Variants in SEMA3A observed in about 807,000 individuals in gnomAD.
SEMA3A encodes the protein semaphorin 3A, also known as semaphorin-3A.
In SEMA3A, 29 loss-of-function variants were observed where a neutral mutation model predicts 97.9. The observed-to-expected ratio is 0.30, with a 90% CI of 0.22 to 0.40. SEMA3A has a LOEUF of 0.40. Ranked by LOEUF, SEMA3A falls within the 10% of genes least tolerant of loss-of-function variation. The pLI, the probability that SEMA3A is intolerant of heterozygous loss-of-function variation, is 1.00. For missense variants in SEMA3A, 763 were observed against 951.3 expected (o/e 0.80, Z 2.60); for synonymous variants, 321 against 323.7 (o/e 0.99, Z 0.09).
intron 3 of SEMA3A, among the ~76,000 whole-genome samples, chr7:84,124,167 A>G (rs1034964537): frequency 4.6e-5 from 7 of 152,138 alleles, no homozygotes; most frequent in African/African-American, 1.7e-4. Flanking sequence ...GGCCCACTCT[A>G]AAAGTGCATA....
chr7:84,139,704 A>G (rs1201387773), intron 1 of SEMA3A, among the ~76,000 whole-genome samples: 2 of 152,082 alleles, frequency 1.3e-5, no homozygotes, highest in East Asian at 1.9e-4. Flanking sequence ...TCAATTATAA[A>G]TAAATTGTAC....
At chr7:84,366,383 C>A (rs1356171834) in intron 2 of SEMA3A, among the ~76,000 whole-genome samples, 1 of 151,218 alleles carries the variant, frequency 6.6e-6, no homozygotes, top group East Asian at 1.9e-4. Flanking sequence ...AAGCATCAAA[C>A]AAATAATTAC....
chr7:84,372,686 T>C (rs2116107360), intron 1 of SEMA3A, among the ~76,000 whole-genome samples: 1 of 152,246 alleles, frequency 6.6e-6, no homozygotes, highest in Non-Finnish European at 1.5e-5. Context: ...ATGCCCTCTC[T>C]GTCTCAGGAA....
chr7:84,110,864 T>C (rs956913449), intron 3 of SEMA3A, among the ~76,000 whole-genome samples: 5 of 152,158 alleles, frequency 3.3e-5, no homozygotes, highest in African/African-American at 9.6e-5. Context: ...AATTTATTTA[T>C]ACAAAAGTGG....
intron 1 of SEMA3A, among the ~76,000 whole-genome samples, chr7:84,422,727 T>C (rs1338591682): frequency 6.6e-6 from 1 of 152,136 alleles, no homozygotes; most frequent in Non-Finnish European, 1.5e-5. Flanking sequence ...TTTGTTCTCA[T>C]TGGTTTCAAA....
At chr7:83,998,310 C>T (rs1425852473) in intron 12 of SEMA3A, among the ~76,000 whole-genome samples, 3 of 152,100 alleles carry the variant, frequency 2.0e-5, no homozygotes, top group Non-Finnish European at 4.4e-5. Context: ...TGCTACTGTA[C>T]TGAATATTTT....
intron 7 of SEMA3A, 122 bp from the exon 8 acceptor site, chr7:84,011,419 A>C: frequency 1.5e-6 from 1 of 668,186 alleles, no homozygotes; most frequent in Non-Finnish European, 2.6e-6. Context: ...AAAAGTTCCT[A>C]ATCATTTTAA....
upstream of SEMA3A, among the ~76,000 whole-genome samples, chr7:84,199,456 C>G (rs1185157221): frequency 2.0e-5 from 3 of 151,924 alleles, no homozygotes; most frequent in Non-Finnish European, 4.4e-5. Context: ...GAAATAACAC[C>G]AAAGAGGAAA....
At chr7:84,027,076 T>C (rs1791574940) in intron 6 of SEMA3A, among the ~76,000 whole-genome samples, 1 of 152,224 alleles carries the variant, frequency 6.6e-6, no homozygotes, top group Non-Finnish European at 1.5e-5. Flanking sequence ...TAAATAATTT[T>C]CTTCCAAATC....
chr7:83,981,628 C>CT lies in SEMA3A; in HGVS notation c.1495-151dup, dbSNP rs1789421367. 4 of 637,290 alleles carry CT rather than the reference C, an allele frequency of 6.3e-6. No homozygotes were observed. In the Admixed American group the frequency reaches 1.1e-4, roughly 18 times the overall value. The allele number at this position is 637,290 out of a possible 1,614,324, so 39.5% of individuals were successfully genotyped here. Reference sequence around the variant, plus strand: ...CTTTATTGCTAATTTCTTTAAAGGCCTTCTAGACAAGATGGCAGTTTAAAA... The same window carrying CT: ...CTTTATTGCTAATTTCTTTAAAGGCCTTTCTAGACAAGATGGCAGTTTAAAA... On this transcript the variant is annotated intron_variant, in intron 13 of 16. Coordinates refer to ENST00000265362, the MANE Select transcript of SEMA3A (RefSeq NM_006080.3).
At chr7:84,388,765 C>T (rs1360245029) in intron 1 of SEMA3A, among the ~76,000 whole-genome samples, 1 of 151,898 alleles carries the variant, frequency 6.6e-6, no homozygotes, top group Non-Finnish European at 1.5e-5. Flanking sequence ...ATTTAAGGGA[C>T]CTTCAGTTTC....
At chr7:84,175,736 T>TTC (rs1322272344) in intron 1 of SEMA3A, among the ~76,000 whole-genome samples, 2 of 151,666 alleles carry the variant, frequency 1.3e-5, no homozygotes, top group East Asian at 3.9e-4. Flanking sequence ...ACAGCAACCT[T>TTC]TTTTTTTCCC....
intron 9 of SEMA3A, among the ~76,000 whole-genome samples, chr7:84,008,368 G>A (rs572106802): frequency 6.6e-6 from 1 of 151,972 alleles, no homozygotes; most frequent in South Asian, 2.1e-4. Context: ...GCGGGTGGCT[G>A]TAGTCCCAGC....
chr7:84,423,489 T>C (rs1804656548), intron 1 of SEMA3A, among the ~76,000 whole-genome samples: 1 of 152,104 alleles, frequency 6.6e-6, no homozygotes, highest in African/African-American at 2.4e-5. Context: ...AGAGGTCTTC[T>C]GTGGTCATCC....
chr7:84,320,920 G>A (rs946109965), intron 2 of SEMA3A, among the ~76,000 whole-genome samples: 40 of 151,940 alleles, frequency 2.6e-4, no homozygotes, highest in African/African-American at 9.4e-4. Flanking sequence ...GAAATGATGA[G>A]GTATATAGAA....
chr7:84,443,451 T>G lies in SEMA3A; in HGVS notation c.-246+49009A>C, dbSNP rs78371199. Reference sequence around the variant, plus strand: ...AATCTAACCATGTCAATGGTTAAATTGACATTTTTTTTACTTTATTAATGG... The same window carrying G: ...AATCTAACCATGTCAATGGTTAAATGGACATTTTTTTTACTTTATTAATGG... On this transcript the variant is annotated intron_variant, in intron 1 of 3. Coordinates refer to the SEMA3A transcript ENST00000424555. 0.011 allele frequency among the ~76,000 whole-genome samples: 1,724 copies of G among 152,264 alleles called. 77 individuals are homozygous for G. In the East Asian group the frequency reaches 0.16, roughly 14 times the overall value.
intron 1 of SEMA3A, among the ~76,000 whole-genome samples, chr7:84,479,532 A>G (rs187424362): frequency 5.9e-5 from 9 of 152,298 alleles, no homozygotes; most frequent in Non-Finnish European, 1.0e-4. Flanking sequence ...ATAGAACTAG[A>G]TATGGAAATA....
chr7:84,424,498 T>G (rs11981121), intron 1 of SEMA3A, among the ~76,000 whole-genome samples: 13 of 101,746 alleles, frequency 1.3e-4, no homozygotes, highest in African/African-American at 5.5e-4. Flanking sequence ...ATATATAATA[T>G]ATAATATATA....
chr7:84,093,839 G>A (rs1406810902), intron 4 of SEMA3A, among the ~76,000 whole-genome samples: 1 of 151,794 alleles, frequency 6.6e-6, no homozygotes, highest in East Asian at 1.9e-4. Flanking sequence ...AAGGCATGCT[G>A]GGCTTAATAC....
Sources: allele counts gnomAD v4.1 joint callset (sites outside exome capture counted in the v4.1 genomes callset), GRCh38; gene constraint gnomAD v4.1.1; transcripts MANE v1.5; gene names NCBI Gene and HGNC (gene_info 2026-07-23, HGNC 2026-07-21).